The following NBEA variants were observed in gnomAD, a reference collection of about 807,000 sequenced individuals.
NBEA encodes neurobeachin, also known as lysosomal-trafficking regulator 2.
In NBEA, 44 loss-of-function variants were observed where a neutral mutation model predicts 343.4. That is an observed-to-expected ratio of 0.13 (90% confidence interval 0.10 to 0.16). NBEA has a LOEUF of 0.16. NBEA is among the 10% of genes least tolerant of loss of function. The probability of loss-of-function intolerance (pLI) is 1.00; values close to 1 mark genes in which losing one functional copy is unlikely to be tolerated. For missense variants in NBEA, 2,555 were observed against 3,631.3 expected (o/e 0.70, Z 7.62); for synonymous variants, 1,175 against 1,238.7 (o/e 0.95, Z 1.08).
intron 39 of NBEA, among the ~76,000 whole-genome samples, chr13:35,434,528 T>C (rs2045314735): frequency 6.6e-6 from 1 of 152,198 alleles, no homozygotes; most frequent in Non-Finnish European, 1.5e-5. Flanking sequence ...GACATGGTAC[T>C]ATTGGAGTTA....
At chr13:35,284,964 C>A (rs2035323130) in intron 34 of NBEA, among the ~76,000 whole-genome samples, 1 of 152,066 alleles carries the variant, frequency 6.6e-6, no homozygotes, top group African/African-American at 2.4e-5. Flanking sequence ...CTTCACAATA[C>A]CATGGGAGAA....
intron 41 of NBEA, among the ~76,000 whole-genome samples, chr13:35,504,442 T>C (rs1221951850): frequency 1.3e-5 from 2 of 152,180 alleles, no homozygotes; most frequent in Admixed American, 6.5e-5. Flanking sequence ...ACTTGGAGGC[T>C]GCCACAGTTG....
chr13:35,086,073 T>C (rs1161916176), intron 10 of NBEA, among the ~76,000 whole-genome samples: 1 of 151,958 alleles, frequency 6.6e-6, no homozygotes, highest in Non-Finnish European at 1.5e-5. Flanking sequence ...CTCAATGAAA[T>C]AAAAGAGGAT....
At chr13:35,214,463 T>C (rs747983472) in intron 33 of NBEA, among the ~76,000 whole-genome samples, 4 of 151,850 alleles carry the variant, frequency 2.6e-5, no homozygotes, top group Non-Finnish European at 4.4e-5. Flanking sequence ...TCATTTGGTT[T>C]TATGTTTTCT....
At chr13:35,294,819 A>G (rs1425129303) in intron 35 of NBEA, among the ~76,000 whole-genome samples, 1 of 152,118 alleles carries the variant, frequency 6.6e-6, no homozygotes, top group Non-Finnish European at 1.5e-5. Context: ...GGAAAAGTTT[A>G]TTGAGGTGAA....
intron 35 of NBEA, among the ~76,000 whole-genome samples, chr13:35,308,452 A>ATG (rs2037063812): frequency 2.5e-5 from 3 of 117,712 alleles, no homozygotes; most frequent in African/African-American, 4.0e-5. Flanking sequence ...ATATATATAT[A>ATG]TATATATATA....
chr13:35,067,762 G>A (rs117498243), intron 8 of NBEA, among the ~76,000 whole-genome samples: 1,545 of 152,068 alleles, frequency 0.01, 11 homozygotes, highest in Non-Finnish European at 0.013. Context: ...TAAGACTCAA[G>A]GTCTCACTCT....
rs145597585 is a variant in NBEA at position 35,319,778 on chromosome 13, T to A, written c.5903+10186T>A. On this transcript the variant is annotated intron_variant, in intron 36 of 58. Transcript: ENST00000379939. ...TGCTTTATGAATCTGGGTGCTCCTG[T>A]ATTGGGTGCATATATGTTTAGGATA... Among the ~76,000 whole-genome samples the A allele has an allele frequency of 2.2e-3, 330 of 152,326 alleles. 2 individuals are homozygous for A. The highest frequency in any genetic ancestry group is 0.015 in the Admixed American group (232 of 15,288).
At chr13:35,364,583 T>G (rs1460963679) in intron 38 of NBEA, among the ~76,000 whole-genome samples, 1 of 151,830 alleles carries the variant, frequency 6.6e-6, no homozygotes, top group Non-Finnish European at 1.5e-5. Flanking sequence ...AATACAGCAA[T>G]TAATACAAGA....
At chr13:35,521,974 C>T (rs552589255) in intron 41 of NBEA, among the ~76,000 whole-genome samples, 3 of 152,102 alleles carry the variant, frequency 2.0e-5, no homozygotes, top group African/African-American at 7.2e-5. Context: ...TAAATATGAA[C>T]CCATCAACAG....
intron 38 of NBEA, among the ~76,000 whole-genome samples, chr13:35,393,490 A>T (rs1210457974): frequency 6.6e-6 from 1 of 152,098 alleles, no homozygotes; most frequent in Non-Finnish European, 1.5e-5. Flanking sequence ...TTTGGTGAAA[A>T]TTGGAATCCA....
At chr13:35,436,653 T>A (rs2045457575) in intron 39 of NBEA, among the ~76,000 whole-genome samples, 1 of 144,502 alleles carries the variant, frequency 6.9e-6, no homozygotes, top group South Asian at 2.1e-4. Context: ...GAGCTTGCAG[T>A]GAGCCTAGAT....
intron 41 of NBEA, among the ~76,000 whole-genome samples, chr13:35,494,317 A>G (rs954297569): frequency 6.6e-6 from 1 of 152,026 alleles, no homozygotes; most frequent in African/African-American, 2.4e-5. Context: ...CAACAATGGT[A>G]ACAAAAATGT....
In NBEA at chr13:35,048,587, A is replaced by C; in HGVS notation, c.748A>C (p.Lys250Gln). 1 of 1,605,764 alleles carries C rather than the reference A, an allele frequency of 6.2e-7. No individual in the cohort carries two copies. Among genetic ancestry groups the C allele is most frequent in the African/African-American group, 1.3e-5 (1 of 74,722 alleles). Residue 250 changes from lysine (K) to glutamine (Q), a missense_variant, in exon 5 of 59, where the codon AAG (lysine) becomes CAG (glutamine). Lys to Gln is a moderately conservative substitution (Grantham distance 53). Around this residue, in one of 21 missense-constraint regions of NBEA, gnomAD observed 185 missense variants for 290.6 expected, o/e 0.64. Transcript: ENST00000379939. Reference protein sequence around the residue: ...AAAIALPPIAKWPYQNGFTLN... With the variant: ...AAAIALPPIAQWPYQNGFTLN... ...GGCAATTGCCTTGCCTCCTATTGCA[A>C]AGTGGCCTTATCAGAATGGCTTCAC... is the stretch of plus-strand genomic sequence containing the variant.
At chr13:35,282,007 G>A (rs1208736913) in intron 34 of NBEA, among the ~76,000 whole-genome samples, 1 of 151,850 alleles carries the variant, frequency 6.6e-6, no homozygotes, top group East Asian at 1.9e-4. Context: ...CCACCTTCCG[G>A]GTTCACTCCA....
chr13:35,477,181 T>C (rs914433177), intron 41 of NBEA: 4 of 166,738 alleles, frequency 2.4e-5, no homozygotes, highest in Non-Finnish European at 5.9e-5. Context: ...CATATGGAAG[T>C]TGGCTTTAGA....
chr13:35,156,022 C>CT, intron 19 of NBEA, 61 bp from the exon 20 acceptor site: 1 of 1,519,046 alleles, frequency 6.6e-7, no homozygotes, highest in Non-Finnish European at 8.9e-7. Context: ...GTTGGTAATA[C>CT]TTTTTGAGTT....
intron 8 of NBEA, among the ~76,000 whole-genome samples, chr13:35,059,782 A>C (rs951742901): frequency 1.3e-5 from 2 of 151,160 alleles, no homozygotes; most frequent in African/African-American, 4.8e-5. Context: ...AGAGAGAGAG[A>C]GGAAAGTTTG....
chr13:35,489,063 C>T (rs1308113306), intron 41 of NBEA, among the ~76,000 whole-genome samples: 1 of 150,772 alleles, frequency 6.6e-6, no homozygotes, highest in Non-Finnish European at 1.5e-5. Context: ...AGTGCAGGCG[C>T]ATGTTTTTAT....
Sources: gnomAD v4.1 joint callset for allele counts (sites outside exome capture counted in the v4.1 genomes callset) on GRCh38, gnomAD v4.1.1 for gene constraint, gnomAD v4.1.1 regional missense constraint, MANE v1.5 for transcripts, NCBI Gene and HGNC (gene_info 2026-07-23, HGNC 2026-07-21) for gene names.